Variants in YEATS2 observed in about 807,000 individuals in gnomAD.
The protein encoded by YEATS2 is YEATS domain containing 2, also known as YEATS domain-containing protein 2.
A neutral mutation model predicts 163.2 loss-of-function variants in YEATS2; 77 were observed. The ratio of observed to expected loss-of-function variants is 0.47; its 90% CI spans 0.39 to 0.57. The LOEUF (loss-of-function observed/expected upper bound fraction) is 0.57. Ranked by LOEUF, YEATS2 falls within the 20% of genes least tolerant of loss-of-function variation. The probability of loss-of-function intolerance (pLI) is 0.00; values close to 1 mark genes in which losing one functional copy is unlikely to be tolerated. For missense variants in YEATS2, 1,549 were observed against 1,729.8 expected (o/e 0.90, Z 1.85); for synonymous variants, 631 against 645.1 (o/e 0.98, Z 0.33).
At chr3:183,777,969 A>T (rs1237095776) in intron 19 of YEATS2, among the ~76,000 whole-genome samples, 1 of 151,974 alleles carries the variant, frequency 6.6e-6, no homozygotes, top group African/African-American at 2.4e-5. Context: ...AAAATTAGCC[A>T]GGTGCAGTGG....
At chr3:183,742,045 C>CAA (rs35894648) in intron 8 of YEATS2, among the ~76,000 whole-genome samples, 103 of 125,348 alleles carry the variant, frequency 8.2e-4, no homozygotes, top group Middle Eastern at 4.4e-3. Context: ...CTCATCTCTA[C>CAA]AAAAAAAAAA....
At chr3:183,704,913 G>A (rs1714472257) in intron 1 of YEATS2, among the ~76,000 whole-genome samples, 1 of 152,220 alleles carries the variant, frequency 6.6e-6, no homozygotes, top group African/African-American at 2.4e-5. Flanking sequence ...ACAGGCATGA[G>A]CCACTGCATC....
intron 20 of YEATS2, among the ~76,000 whole-genome samples, chr3:183,788,259 A>G (rs1018167993): frequency 2.6e-5 from 4 of 151,536 alleles, no homozygotes; most frequent in Admixed American, 6.6e-5. Context: ...CCTTCTAACT[A>G]TATTTTTGTA....
intron 1 of YEATS2, among the ~76,000 whole-genome samples, chr3:183,698,732 A>G (rs1335629537): frequency 6.6e-6 from 1 of 152,134 alleles, no homozygotes; most frequent in Admixed American, 6.6e-5. Context: ...GAGTTGACCC[A>G]CGTTTTCCAT....
chr3:183,699,328 T>C (rs970824269), intron 1 of YEATS2, among the ~76,000 whole-genome samples: 1 of 151,814 alleles, frequency 6.6e-6, no homozygotes, highest in Non-Finnish European at 1.5e-5. Flanking sequence ...TATTAAATTT[T>C]AGATGCATGT....
At chr3:183,759,814 A>G (rs1454550966) in intron 13 of YEATS2, among the ~76,000 whole-genome samples, 1 of 152,222 alleles carries the variant, frequency 6.6e-6, no homozygotes, top group Non-Finnish European at 1.5e-5. Context: ...CTTTTGGCCT[A>G]TGATGTTTTC....
chr3:183,727,206 G>A (rs1454703472), intron 6 of YEATS2, among the ~76,000 whole-genome samples: 1 of 151,716 alleles, frequency 6.6e-6, no homozygotes, highest in Admixed American at 6.6e-5. Context: ...ACACAAACCT[G>A]GCGAAATTAA....
At chr3:183,706,867 A>C (rs1182722671) in intron 1 of YEATS2, among the ~76,000 whole-genome samples, 2 of 152,170 alleles carry the variant, frequency 1.3e-5, no homozygotes, top group Non-Finnish European at 2.9e-5. Context: ...TCTGAATCTT[A>C]AATGCTCCAA....
chr3:183,771,535 A>C (rs376352937), intron 15 of YEATS2, among the ~76,000 whole-genome samples: 1 of 53,698 alleles, frequency 1.9e-5, no homozygotes, highest in Non-Finnish European at 4.0e-5. Flanking sequence ...GTTAAATATT[A>C]TTCTTGCCTT....
intron 7 of YEATS2, 142 bp downstream of exon 7, chr3:183,728,993 C>T: frequency 1.0e-6 from 1 of 971,838 alleles, no homozygotes; most frequent in Non-Finnish European, 1.5e-6. Flanking sequence ...TAGTTGGAGG[C>T]CGGGTGGGGT....
intron 9 of YEATS2, among the ~76,000 whole-genome samples, chr3:183,751,735 A>T (rs1225521576): frequency 6.6e-6 from 1 of 152,238 alleles, no homozygotes; most frequent in Non-Finnish European, 1.5e-5. Flanking sequence ...GTGCTACTTC[A>T]TTGAGACCTG....
At chr3:183,781,615 C>T (rs1305806621) in intron 19 of YEATS2, among the ~76,000 whole-genome samples, 1 of 152,222 alleles carries the variant, frequency 6.6e-6, no homozygotes, top group African/African-American at 2.4e-5. Context: ...CCAAACCAGG[C>T]TCAAGAAAAT....
intron 1 of YEATS2, among the ~76,000 whole-genome samples, chr3:183,701,128 C>T (rs1188600191): frequency 6.6e-6 from 1 of 150,548 alleles, no homozygotes; most frequent in Non-Finnish European, 1.5e-5. Flanking sequence ...GTCGCCCAGG[C>T]TGGAGTGCAG....
Position 183,803,291 on chromosome 3 carries a change from G to A in YEATS2, c.3538G>A (p.Glu1180Lys). Residue 1180 changes from glutamate (E) to lysine (K), a missense_variant, in exon 26 of 31, where the codon GAG becomes AAG. Physicochemically the swap from Glu to Lys is moderately conservative, Grantham distance 56 (BLOSUM62 1). Coordinates refer to ENST00000305135, the MANE Select transcript of YEATS2 (RefSeq NM_018023.5). ...CAGCTGCTTTTCTGCAAAGTCTGTG[G>A]AGCAGTACTATGGCTGGAACATTGG... ...DASCFSAKSV[E>K]QYYGWNIGKR... The A allele has an allele frequency of 6.2e-7, 1 of 1,611,920 alleles. No homozygotes were observed. The highest frequency in any genetic ancestry group is 8.5e-7 in the Non-Finnish European group (1 of 1,179,886).
chr3:183,713,056 T>C (rs953604114), intron 1 of YEATS2, among the ~76,000 whole-genome samples: 6 of 152,182 alleles, frequency 3.9e-5, no homozygotes, highest in African/African-American at 1.2e-4. Context: ...CCACCTTGCC[T>C]GTACATGGCC....
chr3:183,718,565 T>C lies in YEATS2; in HGVS notation c.264T>C (p.Ala88=). ...CCTGCATTGTAGCAAACTACTATGC[T>C]TCTGCAGGTCTTCTAAAAGTTTCTG... ...LRACIVANYY[A]SAGLLKVSEG... is the part of the protein sequence containing the mutation. Residue 88 remains alanine (A), a synonymous_variant, in exon 4 of 31, where the codon GCT becomes GCC. Coordinates refer to ENST00000305135, the MANE Select transcript of YEATS2 (RefSeq NM_018023.5). The C allele has an allele frequency of 6.2e-7, 1 of 1,613,106 alleles. No individual in the cohort carries two copies.
chr3:183,720,772 C>G (rs1716405947), intron 4 of YEATS2, among the ~76,000 whole-genome samples: 1 of 152,098 alleles, frequency 6.6e-6, no homozygotes, highest in African/African-American at 2.4e-5. Context: ...GTCTAGAAGT[C>G]CAAAATCAAG....
At chr3:183,756,165 G>C (rs1720747204) in intron 11 of YEATS2, among the ~76,000 whole-genome samples, 1 of 152,210 alleles carries the variant, frequency 6.6e-6, no homozygotes, top group Non-Finnish European at 1.5e-5. Context: ...AGGTTCAGCA[G>C]TTTTGCACTG....
chr3:183,728,187 C>T (rs1345692969), intron 6 of YEATS2, among the ~76,000 whole-genome samples: 1 of 152,180 alleles, frequency 6.6e-6, no homozygotes, highest in African/African-American at 2.4e-5. Flanking sequence ...ACCTCATCAG[C>T]CTCCCAGCAA....
Sources: gnomAD v4.1 joint callset for allele counts (sites outside exome capture counted in the v4.1 genomes callset) on GRCh38, gnomAD v4.1.1 for gene constraint, MANE v1.5 for transcripts, NCBI Gene and HGNC (gene_info 2026-07-23, HGNC 2026-07-21) for gene names.